ARHGAP10: variants seen among roughly 807,000 people sequenced by gnomAD.
The protein encoded by ARHGAP10 is Rho GTPase activating protein 10.
In ARHGAP10, 87 loss-of-function variants were observed where a neutral mutation model predicts 108.6. That is an observed-to-expected ratio of 0.80 (90% CI 0.67 to 0.96). The LOEUF is 0.96. Ranked by LOEUF, ARHGAP10 falls within the 40% of genes least tolerant of loss-of-function variation. The pLI is 0.00. For synonymous variants in ARHGAP10, 347 were observed against 341.1 expected, an observed-to-expected ratio of 1.02 and a Z score of -0.19; for missense variants, 939 against 954.5, an observed-to-expected ratio of 0.98 and a Z score of 0.21.
intron 1 of ARHGAP10, among the ~76,000 whole-genome samples, chr4:147,755,522 T>A (rs556738427): frequency 6.6e-6 from 1 of 152,000 alleles, no homozygotes; most frequent in African/African-American, 2.4e-5. Flanking sequence ...AAACTCCGTC[T>A]CAAAAAAAGG....
At chr4:148,031,803 TA>T (rs1175844434) in intron 19 of ARHGAP10, among the ~76,000 whole-genome samples, 3 of 152,186 alleles carry the variant, frequency 2.0e-5, no homozygotes, top group Non-Finnish European at 2.9e-5. Flanking sequence ...TAAAACACTG[TA>T]ACAAGCATGG....
intron 4 of ARHGAP10, among the ~76,000 whole-genome samples, chr4:147,850,605 C>T (rs559280281): frequency 5.5e-4 from 84 of 152,254 alleles, no homozygotes; most frequent in African/African-American, 1.8e-3. Context: ...GAAGAAACTC[C>T]GGACACATCT....
At chr4:147,854,035 G>A (rs1171918838) in intron 4 of ARHGAP10, among the ~76,000 whole-genome samples, 1 of 152,024 alleles carries the variant, frequency 6.6e-6, no homozygotes, top group Admixed American at 6.6e-5. Flanking sequence ...AGAAGATCTG[G>A]TTATTTGAAT....
chr4:147,842,385 G>C (rs565353005), intron 3 of ARHGAP10, among the ~76,000 whole-genome samples: 63 of 152,328 alleles, frequency 4.1e-4, no homozygotes, highest in Non-Finnish European at 7.8e-4. Flanking sequence ...GTGGAAGACA[G>C]TGTTTACTCC....
intron 13 of ARHGAP10, among the ~76,000 whole-genome samples, chr4:147,919,177 T>C (rs1380184537): frequency 6.6e-6 from 1 of 152,240 alleles, no homozygotes; most frequent in Non-Finnish European, 1.5e-5. Flanking sequence ...TCGTTCTCAG[T>C]ACTCTTAAGA....
At chr4:148,035,690 G>A (rs1728348063) in intron 19 of ARHGAP10, among the ~76,000 whole-genome samples, 1 of 152,200 alleles carries the variant, frequency 6.6e-6, no homozygotes, top group African/African-American at 2.4e-5. Context: ...ATTTTAGGAA[G>A]CTCTACCATG....
chr4:147,822,708 A>C lies in ARHGAP10; in HGVS notation c.155-19A>C. On this transcript the variant is annotated intron_variant, in intron 1 of 22. Transcript: ENST00000336498. Reference sequence around the variant, plus strand: ...ACATAAAACAAGAACCCAAGTCATCATTATACTTTTCTTTCTAGGTCTGTC... The same window carrying C: ...ACATAAAACAAGAACCCAAGTCATCCTTATACTTTTCTTTCTAGGTCTGTC... 6.2e-7 allele frequency: 1 copy of C among 1,609,542 alleles called. No homozygotes were observed. Among genetic ancestry groups the C allele is most frequent in the Non-Finnish European group, 8.5e-7 (1 of 1,176,042 alleles).
chr4:148,030,338 C>T (rs1728090100), intron 19 of ARHGAP10, among the ~76,000 whole-genome samples: 1 of 152,152 alleles, frequency 6.6e-6, no homozygotes. Context: ...CCCTTTGAAA[C>T]TCTTGTGGCG....
chr4:147,887,181 G>T (rs1735603479), intron 10 of ARHGAP10, among the ~76,000 whole-genome samples: 1 of 151,954 alleles, frequency 6.6e-6, no homozygotes, highest in Non-Finnish European at 1.5e-5. Flanking sequence ...TGTGAAAATA[G>T]AAGCTGTAAC....
chr4:148,017,062 G>A (rs531246552), intron 18 of ARHGAP10, among the ~76,000 whole-genome samples: 15 of 151,856 alleles, frequency 9.9e-5, no homozygotes, highest in African/African-American at 2.7e-4. Context: ...GGCTGAGGCA[G>A]GAGAATCGCC....
chr4:147,761,142 G>T (rs745569729), intron 1 of ARHGAP10, among the ~76,000 whole-genome samples: 1 of 151,110 alleles, frequency 6.6e-6, no homozygotes, highest in South Asian at 2.1e-4. Flanking sequence ...TCAGCCTCCC[G>T]AGTAGTTGGG....
At chr4:147,960,116 C>G (rs1177918621) in intron 16 of ARHGAP10, among the ~76,000 whole-genome samples, 1 of 152,060 alleles carries the variant, frequency 6.6e-6, no homozygotes, top group East Asian at 1.9e-4. Context: ...TTTATTTTCT[C>G]TAGTGTTGAT....
At chr4:148,057,089 G>C (rs1729397864) in intron 20 of ARHGAP10, among the ~76,000 whole-genome samples, 1 of 152,158 alleles carries the variant, frequency 6.6e-6, no homozygotes, top group Non-Finnish European at 1.5e-5. Context: ...GCCAACCTCT[G>C]GGGGGCACTC....
At chr4:147,905,334 T>A (rs1369228347) in intron 10 of ARHGAP10, among the ~76,000 whole-genome samples, 1 of 147,772 alleles carries the variant, frequency 6.8e-6, no homozygotes, top group African/African-American at 2.5e-5. Flanking sequence ...TGGTAATGCC[T>A]AGGTTTTCTT....
At chr4:147,817,067 G>A (rs1337348480) in intron 1 of ARHGAP10, among the ~76,000 whole-genome samples, 2 of 152,064 alleles carry the variant, frequency 1.3e-5, no homozygotes, top group Non-Finnish European at 1.5e-5. Flanking sequence ...ATTTTAAAAA[G>A]GGCTATGGAA....
chr4:147,849,234 T>C (rs1269199483), intron 4 of ARHGAP10, among the ~76,000 whole-genome samples: 1 of 149,708 alleles, frequency 6.7e-6, no homozygotes, highest in Non-Finnish European at 1.5e-5. Context: ...TAAAAGACTC[T>C]GCTTTTTTTT....
intron 18 of ARHGAP10, among the ~76,000 whole-genome samples, chr4:147,967,963 G>C (rs1311959721): frequency 1.3e-5 from 2 of 152,218 alleles, no homozygotes; most frequent in Non-Finnish European, 2.9e-5. Context: ...GAACTTAGGA[G>C]AGGACTTCAG....
At chr4:147,911,993 ACGTGTGTG>A (rs1345630692) in intron 12 of ARHGAP10, among the ~76,000 whole-genome samples, 11 of 108,638 alleles carry the variant, frequency 1.0e-4, no homozygotes, top group Admixed American at 3.8e-4. Context: ...AAGAACATTC[ACGTGTGTG>A]TGTGTGTGTG....
At chr4:147,784,786 AAAATATATATTATAAATAT>A (rs1243981403) in intron 1 of ARHGAP10, among the ~76,000 whole-genome samples, 11 of 41,246 alleles carry the variant, frequency 2.7e-4, no homozygotes, top group African/African-American at 6.1e-4. Flanking sequence ...AATATATTAT[AAAATATATATTATAAATAT>A]AATATATTAT....
Sources: allele counts gnomAD v4.1 joint callset (sites outside exome capture counted in the v4.1 genomes callset), GRCh38; gene constraint gnomAD v4.1.1; transcripts MANE v1.5; gene names NCBI Gene and HGNC (gene_info 2026-07-23, HGNC 2026-07-21).